OSBPL9: variants seen among roughly 807,000 people sequenced by gnomAD.
The protein encoded by OSBPL9 is oxysterol binding protein like 9.
OSBPL9 carries 40 observed loss-of-function variants against 106.6 expected under a neutral mutation model. That is an observed-to-expected ratio of 0.38 (90% CI 0.29 to 0.49). The LOEUF (loss-of-function observed/expected upper bound fraction) is 0.49. OSBPL9 is among the 20% of genes least tolerant of loss of function. The probability of loss-of-function intolerance (pLI) is 0.97; values close to 1 mark genes in which losing one functional copy is unlikely to be tolerated. For synonymous variants in OSBPL9, 269 were observed against 295.4 expected, an observed-to-expected ratio of 0.91 and a Z score of 0.92; for missense variants, 609 against 887.2, an observed-to-expected ratio of 0.69 and a Z score of 3.98.
chr1:51,681,648 A>G (rs1181054651), intron 3 of OSBPL9, among the ~76,000 whole-genome samples: 1 of 152,196 alleles, frequency 6.6e-6, no homozygotes, highest in African/African-American at 2.4e-5. Flanking sequence ...TTGAACTGCC[A>G]TATGATCCAG....
chr1:51,630,556 T>A (rs1281639686), intron 1 of OSBPL9, among the ~76,000 whole-genome samples: 1 of 152,224 alleles, frequency 6.6e-6, no homozygotes. Flanking sequence ...GCACTTACCA[T>A]GAATGAAGCT....
chr1:51,616,808 C>T, upstream of OSBPL9: 6 of 274,756 alleles, frequency 2.2e-5, no homozygotes, highest in Non-Finnish European at 3.5e-5. Context: ...TGGAAGGTAT[C>T]ATGGCCAGTA....
At chr1:51,519,297 G>T in the OSBPL9 span, 1 of 783,696 alleles carries the variant, frequency 1.3e-6, no homozygotes, top group East Asian at 3.4e-5. Flanking sequence ...CGGGGAGGAG[G>T]CGGAGGGAGC....
At chr1:51,702,668 T>G (rs1187188072) in intron 3 of OSBPL9, among the ~76,000 whole-genome samples, 1 of 152,242 alleles carries the variant, frequency 6.6e-6, no homozygotes, top group Non-Finnish European at 1.5e-5. Flanking sequence ...ATTTGTCAAT[T>G]TTGGCTTTTG....
chr1:51,613,739 TC>T (rs1402956581), upstream of OSBPL9, among the ~76,000 whole-genome samples: 10 of 151,248 alleles, frequency 6.6e-5, no homozygotes, highest in South Asian at 2.1e-4. Flanking sequence ...TTCTTTCTTT[TC>T]TTTTTTTTTT....
At chr1:51,564,405 G>A in the OSBPL9 span, among the ~76,000 whole-genome samples, 1 of 152,188 alleles carries the variant, frequency 6.6e-6, no homozygotes, top group South Asian at 2.1e-4. Context: ...CTTCTTGAAG[G>A]CCTCTTGGTG....
In OSBPL9 at chr1:51,617,193, A is replaced by G. The variant is rs757195114; in HGVS notation, c.83A>G (p.Tyr28Cys). The G allele has an allele frequency of 6.2e-6, 10 of 1,613,332 alleles. No homozygotes were observed. Among genetic ancestry groups the G allele is most frequent in the Admixed American group, 1.7e-5 (1 of 59,884 alleles). Residue 28 changes from tyrosine (Y) to cysteine (C), a missense_variant, in exon 1 of 24, where the codon TAC becomes TGC. Physicochemically the swap from Tyr to Cys is radical, Grantham distance 194. This residue lies in a region of OSBPL9 where 72 missense variants were observed against 140.5 expected (regional missense o/e 0.51). Coordinates refer to ENST00000428468, the MANE Select transcript of OSBPL9 (RefSeq NM_024586.6). ...CAGTACCGTTGGTTCGTGCTGGACTACAATGCAGGACTGCTCTCCTACTAC... is the reference window on the plus strand; with the variant it reads ...CAGTACCGTTGGTTCGTGCTGGACTGCAATGCAGGACTGCTCTCCTACTAC... Reference protein sequence around the residue: ...GWQYRWFVLDYNAGLLSYYTS... With the variant: ...GWQYRWFVLDCNAGLLSYYTS...
At chr1:51,612,995 T>A (rs78268435), upstream of OSBPL9, among the ~76,000 whole-genome samples, 1 of 152,338 alleles carries the variant, frequency 6.6e-6, no homozygotes, top group East Asian at 1.9e-4. Flanking sequence ...AGTACAAATC[T>A]TGAAGGATTG....
intron 3 of OSBPL9, among the ~76,000 whole-genome samples, chr1:51,710,171 C>T (rs922394320): frequency 6.6e-6 from 1 of 152,078 alleles, no homozygotes; most frequent in Non-Finnish European, 1.5e-5. Flanking sequence ...ATCATGACGT[C>T]ATTGTGAGCA....
chr1:51,558,660 C>G, the OSBPL9 span, among the ~76,000 whole-genome samples: 3 of 152,148 alleles, frequency 2.0e-5, no homozygotes, highest in Non-Finnish European at 4.4e-5. Flanking sequence ...GCCTGCCAAG[C>G]TATCCTTAAA....
intron 4 of OSBPL9, among the ~76,000 whole-genome samples, chr1:51,732,812 C>G (rs1210631860): frequency 6.6e-6 from 1 of 152,182 alleles, no homozygotes; most frequent in East Asian, 1.9e-4. Context: ...TCCTCCTTGC[C>G]AGAGTCCAGC....
intron 3 of OSBPL9, among the ~76,000 whole-genome samples, chr1:51,673,491 T>C (rs914233061): frequency 6.6e-6 from 1 of 152,148 alleles, no homozygotes; most frequent in South Asian, 2.1e-4. Flanking sequence ...CAGGGAAGAA[T>C]TGATGATGCA....
the OSBPL9 span, among the ~76,000 whole-genome samples, chr1:51,535,023 T>A: frequency 1.3e-5 from 2 of 152,222 alleles, no homozygotes; most frequent in African/African-American, 4.8e-5. Context: ...CTGTTATAAC[T>A]TATCTTGGGC....
chr1:51,731,461 A>G (rs540919754), intron 4 of OSBPL9, among the ~76,000 whole-genome samples: 1 of 151,844 alleles, frequency 6.6e-6, no homozygotes, highest in South Asian at 2.1e-4. Context: ...TCAAAGCAAA[A>G]CAAAACAAAA....
chr1:51,761,660 G>A (rs546221942), intron 10 of OSBPL9, among the ~76,000 whole-genome samples: 1 of 152,208 alleles, frequency 6.6e-6, no homozygotes, highest in African/African-American at 2.4e-5. Flanking sequence ...TTGATATCCT[G>A]CCTGGTATCT....
chr1:51,698,495 T>C (rs1480270602), intron 3 of OSBPL9, among the ~76,000 whole-genome samples: 2 of 152,318 alleles, frequency 1.3e-5, no homozygotes, highest in African/African-American at 2.4e-5. Context: ...TACACATATG[T>C]GTGCATATGT....
intron 3 of OSBPL9, among the ~76,000 whole-genome samples, chr1:51,703,323 A>G (rs1474743539): frequency 6.6e-6 from 1 of 152,112 alleles, no homozygotes; most frequent in Non-Finnish European, 1.5e-5. Context: ...TTCATTGAGC[A>G]GTGGTTTGTA....
intron 1 of OSBPL9, among the ~76,000 whole-genome samples, chr1:51,625,119 T>C (rs1644691661): frequency 6.6e-6 from 1 of 152,224 alleles, no homozygotes; most frequent in South Asian, 2.1e-4. Flanking sequence ...GTTTTTTGTT[T>C]AGTCATCCAG....
At chr1:51,621,532 G>A (rs1204877392) in intron 1 of OSBPL9, among the ~76,000 whole-genome samples, 1 of 151,528 alleles carries the variant, frequency 6.6e-6, no homozygotes, top group Non-Finnish European at 1.5e-5. Flanking sequence ...GAAAGTTAAG[G>A]TCCCTCTATT....
Sources: allele counts gnomAD v4.1 joint callset (sites outside exome capture counted in the v4.1 genomes callset), GRCh38; gene constraint gnomAD v4.1.1; regional missense constraint gnomAD v4.1.1; transcripts MANE v1.5; gene names NCBI Gene and HGNC (gene_info 2026-07-23, HGNC 2026-07-21).